LRBA: variants seen among roughly 807,000 people sequenced by gnomAD.
LRBA encodes lipopolysaccharide-responsive and beige-like anchor protein.
In LRBA, 176 loss-of-function variants were observed where a neutral mutation model predicts 330.0. The ratio of observed to expected loss-of-function variants is 0.53; its 90% CI spans 0.47 to 0.60. The LOEUF is 0.60. LRBA is among the 20% of genes least tolerant of loss of function. The pLI is 0.00. For synonymous variants in LRBA, 1,230 were observed against 1,193.0 expected, an observed-to-expected ratio of 1.03 and a Z score of -0.64; for missense variants, 3,259 against 3,444.8, an observed-to-expected ratio of 0.95 and a Z score of 1.35.
At chr4:150,610,822 T>C (rs1410969958) in intron 37 of LRBA, among the ~76,000 whole-genome samples, 2 of 152,158 alleles carry the variant, frequency 1.3e-5, no homozygotes, top group Non-Finnish European at 2.9e-5. Context: ...ATCAAATTTA[T>C]CCTGCATCCC....
chr4:150,610,455 G>T (rs1775135941), intron 37 of LRBA, among the ~76,000 whole-genome samples: 1 of 152,150 alleles, frequency 6.6e-6, no homozygotes, highest in Non-Finnish European at 1.5e-5. Flanking sequence ...TGGGCGTGGT[G>T]GTGTGTGCCT....
chr4:150,468,106 T>C lies in LRBA; in HGVS notation c.6668-321A>G, dbSNP rs187604148. 6.5e-4 allele frequency among the ~76,000 whole-genome samples: 99 copies of C among 152,204 alleles called. 1 individual carries two copies. Among genetic ancestry groups the C allele is most frequent in the African/African-American group, 2.3e-3 (95 of 41,564 alleles). On this transcript the variant is annotated intron_variant, in intron 43 of 56. Transcript: ENST00000651943. ...TTAAACTACATTTGATAATTTTTTT[T>C]ATCACTTGAAAGCCTGCCCCAAATA...
At chr4:150,326,498 G>A (rs114682529) in intron 48 of LRBA, among the ~76,000 whole-genome samples, 438 of 152,300 alleles carry the variant, frequency 2.9e-3, no homozygotes, top group African/African-American at 9.6e-3. Context: ...TGAGGAACGT[G>A]TGTATGTGTG....
chr4:150,710,791 C>T (rs778893311), intron 36 of LRBA, among the ~76,000 whole-genome samples: 3 of 151,986 alleles, frequency 2.0e-5, no homozygotes, highest in Admixed American at 1.3e-4. Flanking sequence ...GTACCAATAA[C>T]GTGAGGAAAG....
chr4:150,648,416 A>G (rs1375258961), intron 37 of LRBA, among the ~76,000 whole-genome samples: 1 of 151,980 alleles, frequency 6.6e-6, no homozygotes, highest in Non-Finnish European at 1.5e-5. Flanking sequence ...AGAAAAAAAG[A>G]GAGACTATGC....
chr4:150,658,505 G>A (rs200622961), intron 37 of LRBA, among the ~76,000 whole-genome samples: 3 of 21,100 alleles, frequency 1.4e-4, no homozygotes, highest in African/African-American at 2.0e-4. Context: ...GAAAATAAAA[G>A]TCTCCCTCTC....
intron 33 of LRBA, among the ~76,000 whole-genome samples, chr4:150,803,378 G>A (rs905279812): frequency 6.6e-6 from 1 of 151,744 alleles, no homozygotes; most frequent in African/African-American, 2.4e-5. Context: ...AAATAATTAT[G>A]GAAAAATGAA....
At chr4:150,726,528 GA>G in intron 36 of LRBA, among the ~76,000 whole-genome samples, 1 of 152,242 alleles carries the variant, frequency 6.6e-6, no homozygotes, top group South Asian at 2.1e-4. Context: ...ATTTATAAAG[GA>G]AAGAGGTTTA....
At chr4:150,384,036 A>G (rs534453420) in intron 47 of LRBA, among the ~76,000 whole-genome samples, 3 of 151,196 alleles carry the variant, frequency 2.0e-5, no homozygotes, top group Admixed American at 6.6e-5. Flanking sequence ...TTTATTTTTT[A>G]TTTATTTATT....
intron 36 of LRBA, among the ~76,000 whole-genome samples, chr4:150,690,569 C>T (rs961433011): frequency 2.0e-5 from 3 of 151,338 alleles, no homozygotes; most frequent in Non-Finnish European, 2.9e-5. Flanking sequence ...ACTTCACACC[C>T]TTCCCACCAT....
At chr4:150,497,605 T>C (rs762458398) in intron 40 of LRBA, among the ~76,000 whole-genome samples, 3 of 152,202 alleles carry the variant, frequency 2.0e-5, no homozygotes, top group African/African-American at 4.8e-5. Flanking sequence ...TAGCATTTCA[T>C]GGGTGACAAA....
intron 40 of LRBA, among the ~76,000 whole-genome samples, chr4:150,555,523 G>A (rs1353379702): frequency 6.6e-6 from 1 of 152,082 alleles, no homozygotes; most frequent in African/African-American, 2.4e-5. Flanking sequence ...GGCCAAGGTG[G>A]GCGGATCACA....
chr4:150,438,090 C>T (rs1751357852), intron 44 of LRBA, among the ~76,000 whole-genome samples: 1 of 152,162 alleles, frequency 6.6e-6, no homozygotes, highest in Admixed American at 6.5e-5. Flanking sequence ...AATTCATTCT[C>T]AAAAAACATT....
intron 31 of LRBA, among the ~76,000 whole-genome samples, chr4:150,815,409 TAG>T (rs947480399): frequency 6.6e-6 from 1 of 151,548 alleles, no homozygotes; most frequent in Non-Finnish European, 1.5e-5. Context: ...AAAAATTTGC[TAG>T]AGTTTCATGC....
intron 33 of LRBA, 112 bp downstream of exon 33, chr4:150,806,159 T>A (rs1365158120): frequency 5.3e-6 from 4 of 759,400 alleles, no homozygotes; most frequent in Non-Finnish European, 7.9e-6. Flanking sequence ...AGAAACCTTG[T>A]CAAAGGCTGA....
intron 2 of LRBA, among the ~76,000 whole-genome samples, chr4:150,994,060 G>GT (rs1301584044): frequency 3.0e-5 from 4 of 131,886 alleles, no homozygotes; most frequent in Non-Finnish European, 6.1e-5. Context: ...GCAAGACTCT[G>GT]TCTCAAAAAA....
chr4:150,532,108 T>C (rs759398075), intron 40 of LRBA, among the ~76,000 whole-genome samples: 3 of 152,200 alleles, frequency 2.0e-5, no homozygotes, highest in South Asian at 2.1e-4. Flanking sequence ...CATCTCCCAA[T>C]TGGAGCTTGA....
chr4:150,639,051 T>C (rs1179973253), intron 37 of LRBA, among the ~76,000 whole-genome samples: 3 of 128,252 alleles, frequency 2.3e-5, no homozygotes, highest in East Asian at 4.3e-4. Context: ...ATGTCCTTTG[T>C]AGGGACATGG....
At chr4:150,666,681 T>C (rs1349021172) in intron 37 of LRBA, among the ~76,000 whole-genome samples, 2 of 152,158 alleles carry the variant, frequency 1.3e-5, no homozygotes, top group Admixed American at 6.5e-5. Context: ...TGAGCATCTG[T>C]GGATTTTGGT....
Sources: allele counts gnomAD v4.1 joint callset (sites outside exome capture counted in the v4.1 genomes callset), GRCh38; gene constraint gnomAD v4.1.1; transcripts MANE v1.5; gene names NCBI Gene and HGNC (gene_info 2026-07-23, HGNC 2026-07-21).